The following VPS13C variants were observed in gnomAD, a reference collection of about 807,000 sequenced individuals.
The protein encoded by VPS13C is intermembrane lipid transfer protein VPS13C.
VPS13C carries 358 observed loss-of-function variants against 456.8 expected under a neutral mutation model. The ratio of observed to expected loss-of-function variants is 0.78; its 90% confidence interval spans 0.72 to 0.86. The LOEUF (loss-of-function observed/expected upper bound fraction) is 0.86. VPS13C is among the 40% of genes least tolerant of loss of function. The probability of loss-of-function intolerance (pLI) is 0.00; values close to 1 mark genes in which losing one functional copy is unlikely to be tolerated. For missense variants in VPS13C, 4,818 were observed against 4,385.4 expected, an observed-to-expected ratio of 1.10 and a Z score of -2.79; for synonymous variants, 1,578 against 1,486.7, an observed-to-expected ratio of 1.06 and a Z score of -1.41.
chr15:61,890,856 G>A (rs2042629206), intron 66 of VPS13C, among the ~76,000 whole-genome samples: 2 of 152,160 alleles, frequency 1.3e-5, no homozygotes, highest in African/African-American at 4.8e-5. Context: ...AGACCAGCCT[G>A]GCCAACATGG....
chr15:62,052,341 G>A (rs974856607), intron 1 of VPS13C, among the ~76,000 whole-genome samples: 1 of 152,070 alleles, frequency 6.6e-6, no homozygotes, highest in African/African-American at 2.4e-5. Flanking sequence ...GTTTTTTAAA[G>A]CAAAGCATGA....
rs1894780077 is a variant in VPS13C at position 61,868,746 on chromosome 15, A to G, written c.10776T>C (p.Ser3592=). The G allele has an allele frequency of 6.2e-7, 1 of 1,613,960 alleles. No individual in the cohort carries two copies. Residue 3592 remains serine (S), a synonymous_variant, in exon 81 of 85, where the codon TCT becomes TCC. Coordinates refer to ENST00000644861, the MANE Select transcript of VPS13C (RefSeq NM_020821.3). ...QRAAESTEEV[S]SLRPPRLIHE... ...GGATCAGGCGAGGGGGACGGAGGCT[A>G]GATACTTCCTCAGTTGATTCTGCTG...
intron 60 of VPS13C, 39 bp from the exon 61 acceptor site, chr15:61,916,061 A>C (rs1378625000): frequency 6.6e-7 from 1 of 1,519,246 alleles, no homozygotes; most frequent in East Asian, 2.3e-5. Context: ...ACTTTTTAAA[A>C]ACTCTGAAAT....
rs1313205184 is a variant in VPS13C, at chr15:61,854,382, A to G, written c.*75T>C. The G allele has an allele frequency of 3.7e-6, 5 of 1,333,536 alleles. No individual in the cohort carries two copies. 82.6% of individuals were successfully genotyped at this position (1,333,536 alleles called of 1,614,324 possible). A position where few individuals can be genotyped will look rare whatever the true frequency, so the allele number is the denominator to read the frequency against. On this transcript the variant is annotated 3_prime_UTR_variant, in exon 85 of 85. Coordinates refer to ENST00000644861, the MANE Select transcript of VPS13C (RefSeq NM_020821.3). ...GATTGCTTGAAAAATTGTCTTTAGCAAGATAAAGCAGAGTGACTTATAGAC... is the reference window on the plus strand; with the variant it reads ...GATTGCTTGAAAAATTGTCTTTAGCGAGATAAAGCAGAGTGACTTATAGAC...
chr15:61,873,889 A>T (rs1895215428), intron 77 of VPS13C, among the ~76,000 whole-genome samples: 1 of 152,044 alleles, frequency 6.6e-6, no homozygotes. Flanking sequence ...CTGCAGCACT[A>T]GTGACAATAG....
chr15:61,856,253 T>C, intron 83 of VPS13C, 33 bp downstream of exon 83: 1 of 1,609,998 alleles, frequency 6.2e-7, no homozygotes, highest in East Asian at 2.2e-5. Context: ...AGCAATGAAC[T>C]CTTAGCTCTA....
chr15:61,986,392 T>G (rs947708802), intron 18 of VPS13C, among the ~76,000 whole-genome samples: 1 of 152,050 alleles, frequency 6.6e-6, no homozygotes, highest in South Asian at 2.1e-4. Context: ...ATTCAATAAA[T>G]GAGTTTAACA....
rs964157404 is a variant in VPS13C, at chr15:61,964,922, C to A, written c.3052-61G>T. On this transcript the variant is annotated intron_variant, in intron 30 of 84. Coordinates refer to ENST00000644861, the MANE Select transcript of VPS13C (RefSeq NM_020821.3). ...AGCCAATTATAACCTGTAGTCTCCA[C>A]GACAGACCCAAAAGATTCTCAGGTG... 6.1e-6 allele frequency: 9 copies of A among 1,473,154 alleles called. No homozygotes were observed. In the African/African-American group the frequency reaches 8.5e-5, roughly 14 times the overall value. The allele number at this position is 1,473,154 out of a possible 1,614,324, so 91.3% of individuals were successfully genotyped here.
At chr15:62,016,950 C>T (rs184985910) in intron 9 of VPS13C, among the ~76,000 whole-genome samples, 3,910 of 152,198 alleles carry the variant, frequency 0.026, 114 homozygotes, top group East Asian at 0.068. Context: ...CCTGACTTTT[C>T]AATGATCGCC....
At chr15:62,024,398 G>A (rs189734502) in intron 6 of VPS13C, among the ~76,000 whole-genome samples, 3 of 152,098 alleles carry the variant, frequency 2.0e-5, no homozygotes, top group Admixed American at 2.0e-4. Flanking sequence ...CACTGAATTC[G>A]ATTAGGAATT....
At chr15:62,000,906 A>T (rs953758357) in intron 15 of VPS13C, among the ~76,000 whole-genome samples, 12 of 152,216 alleles carry the variant, frequency 7.9e-5, no homozygotes, top group African/African-American at 2.9e-4. Flanking sequence ...ATGCACATGA[A>T]AACAAGAATA....
At chr15:61,925,316 G>C (rs1329683228) in intron 53 of VPS13C, 140 bp downstream of exon 53, 4 of 420,130 alleles carry the variant, frequency 9.5e-6, no homozygotes, top group Non-Finnish European at 1.7e-5. Flanking sequence ...TTTAATGTTA[G>C]AAGTTACTGA....
At chr15:61,918,389 T>A (rs1044771598) in intron 58 of VPS13C, 132 bp from the exon 59 acceptor site, 2 of 840,112 alleles carry the variant, frequency 2.4e-6, no homozygotes, top group Non-Finnish European at 3.4e-6. Context: ...TTATTGGCAA[T>A]TGAAAAATTT....
At chr15:61,977,501 C>A (rs778923038) in intron 23 of VPS13C, among the ~76,000 whole-genome samples, 1 of 151,868 alleles carries the variant, frequency 6.6e-6, no homozygotes, top group African/African-American at 2.4e-5. Context: ...AGCCCAGGAT[C>A]TATTACCTCA....
chr15:61,986,119 ACAC>A (rs2046044748), intron 18 of VPS13C, among the ~76,000 whole-genome samples: 1 of 151,020 alleles, frequency 6.6e-6, no homozygotes, highest in South Asian at 2.1e-4. Context: ...ATACACACAC[ACAC>A]ACCGGTACAC....
chr15:61,925,543 C>T lies in VPS13C; in HGVS notation c.6522G>A (p.Leu2174=), dbSNP rs754132978. Reference sequence around the variant, plus strand: ...TTTCCATAAATAAAGAACAGGGCTGCAAGACCTATAAACAGATAAATGAAA... The same window carrying T: ...TTTCCATAAATAAAGAACAGGGCTGTAAGACCTATAAACAGATAAATGAAA... ...EKRGKNITTV[L]QPCSLFMEKC... Residue 2174 remains leucine (L), a synonymous_variant, in exon 53 of 85, where the codon TTG becomes TTA. Transcript: ENST00000644861. 6.9e-6 allele frequency: 11 copies of T among 1,596,586 alleles called. No homozygotes were observed. The highest frequency in any genetic ancestry group is 8.5e-6 in the Non-Finnish European group (10 of 1,171,964).
At chr15:61,912,508 A>G (rs1447930256) in intron 62 of VPS13C, among the ~76,000 whole-genome samples, 1 of 151,972 alleles carries the variant, frequency 6.6e-6, no homozygotes, top group East Asian at 1.9e-4. Context: ...TGGATGGATT[A>G]AACTCAATGT....
chr15:61,878,792 AT>A, intron 73 of VPS13C, 46 bp from the exon 74 acceptor site: 1 of 1,547,384 alleles, frequency 6.5e-7, no homozygotes, highest in South Asian at 1.2e-5. Context: ...AAAGTGAAAA[AT>A]TTACATATTT....
intron 37 of VPS13C, 135 bp downstream of exon 37, chr15:61,958,473 A>AT: frequency 1.8e-6 from 1 of 567,594 alleles, no homozygotes; most frequent in Non-Finnish European, 3.1e-6. Flanking sequence ...ATTCAATAGC[A>AT]TCTTGTTTGT....
Sources: gnomAD v4.1 joint callset for allele counts (sites outside exome capture counted in the v4.1 genomes callset) on GRCh38, gnomAD v4.1.1 for gene constraint, MANE v1.5 for transcripts, NCBI Gene and HGNC (gene_info 2026-07-23, HGNC 2026-07-21) for gene names.